The following MYADM variants were observed in gnomAD, a reference collection of about 807,000 sequenced individuals.
MYADM encodes the protein myeloid-associated differentiation marker.
For synonymous variants in MYADM, 224 were observed against 210.2 expected (o/e 1.07, Z -0.57); for missense variants, 416 against 443.4 (o/e 0.94, Z 0.56).
Position 53,874,582 on chromosome 19 carries a change from C to G in MYADM, c.*84C>G, listed in dbSNP as rs1430567702. ...TTCTTTATGGAGTACTTCTTTCCTCCGCCTTTCCTCTGTTTTCCTCTTCCT... is the reference window on the plus strand; with the variant it reads ...TTCTTTATGGAGTACTTCTTTCCTCGGCCTTTCCTCTGTTTTCCTCTTCCT... On this transcript the variant is annotated 3_prime_UTR_variant, in exon 3 of 3. Transcript: ENST00000391770. The G allele has an allele frequency of 6.9e-7, 1 of 1,449,660 alleles. No individual in the cohort carries two copies. The highest frequency in any genetic ancestry group is 9.2e-7 in the Non-Finnish European group (1 of 1,087,398). The allele number at this position is 1,449,660 out of a possible 1,614,324, so 89.8% of individuals were successfully genotyped here.
Position 53,873,683 on chromosome 19 carries a change from T to C in MYADM, c.154T>C (p.Ser52Pro). 6.2e-7 allele frequency: 1 copy of C among 1,614,128 alleles called. No homozygotes were observed. Among genetic ancestry groups the C allele is most frequent in the Non-Finnish European group, 8.5e-7 (1 of 1,180,022 alleles). Residue 52 changes from serine to proline, a missense_variant, in exon 3 of 3, where the codon TCG (serine) becomes CCG (proline). By Grantham distance (74) the Ser-to-Pro change is moderately conservative (BLOSUM62 -1). Transcript: ENST00000391770. The surrounding 1 kb of genome is among the most constrained non-coding windows in gnomAD (Gnocchi z 4.3). ...GCTGGTGTCTACCTGCGTGGCCTTC[T>C]CGCTGGTGGCTAGCGTGGGCGCCTG... ...LQLVSTCVAFSLVASVGAWTG... is the reference protein window; with the variant it reads ...LQLVSTCVAFPLVASVGAWTG...
At chr19:53,867,147 G>C (rs911502905), upstream of MYADM, among the ~76,000 whole-genome samples, 2 of 152,160 alleles carry the variant, frequency 1.3e-5, no homozygotes, top group African/African-American at 2.4e-5. Context: ...TGCGGCGCCC[G>C]GTGCCAGTGG....
At position 53,876,076 on chromosome 19, in the gene MYADM, C is replaced by T. The variant is rs563202113; in HGVS notation, c.*1578C>T. On this transcript the variant is annotated 3_prime_UTR_variant, in exon 3 of 3. Coordinates refer to ENST00000391770, the MANE Select transcript of MYADM (RefSeq NM_138373.5). ...ATGAGGACAAAAATTACTGAGTGGC[C>T]CTTAAAGAGGGAAGTTTGTTTTCAG... 1.8e-5 allele frequency: 3 copies of T among 166,836 alleles called. No individual in the cohort carries two copies. In the South Asian group the frequency reaches 6.2e-4, roughly 35 times the overall value. The allele number at this position is 166,836 out of a possible 1,614,324, so 10.3% of individuals were successfully genotyped here.
intron 2 of MYADM, among the ~76,000 whole-genome samples, chr19:53,871,549 C>T (rs2068388776): frequency 6.6e-6 from 1 of 152,052 alleles, no homozygotes; most frequent in Non-Finnish European, 1.5e-5. Flanking sequence ...AGTTTAGGCT[C>T]CTTGTCAGAA....
chr19:53,866,598 T>A (rs868245693), upstream of MYADM, among the ~76,000 whole-genome samples: 78 of 152,292 alleles, frequency 5.1e-4, no homozygotes, highest in Non-Finnish European at 1.0e-3. This position sits in a 1 kb window ranked among gnomAD's most constrained non-coding sequence, Gnocchi z 4.3. Context: ...GCCCTGGGGC[T>A]TCGGGCCCAC....
In MYADM at chr19:53,874,741, T is replaced by TCACCC. The variant is rs934851178; in HGVS notation, c.*245_*249dup. 17 of 423,620 alleles carry TCACCC rather than the reference T, an allele frequency of 4.0e-5. No homozygotes were observed. Among genetic ancestry groups the TCACCC allele is most frequent in the Middle Eastern group, 6.4e-4 (1 of 1,572 alleles). The allele number at this position is 423,620 out of a possible 1,614,324, so 26.2% of individuals were successfully genotyped here. ...TTGTTTTGTTGCCCACATCCTGTTT[T>TCACCC]CACCCCTGAGCTGTTTCTCTTTTTC... On this transcript the variant is annotated 3_prime_UTR_variant, in exon 3 of 3. Coordinates refer to ENST00000391770, the MANE Select transcript of MYADM (RefSeq NM_138373.5).
intron 2 of MYADM, among the ~76,000 whole-genome samples, chr19:53,871,128 G>A (rs1050507370): frequency 3.3e-5 from 5 of 152,220 alleles, no homozygotes; most frequent in Non-Finnish European, 7.3e-5. Flanking sequence ...CTACTCAGGA[G>A]GCTGAGGCAG....
rs562245107 is a variant in MYADM, at chr19:53,874,220, G to A, written c.691G>A (p.Val231Met). Reference protein sequence around the residue: ...ILLNLGECTNVLPIPFPSFLS... With the variant: ...ILLNLGECTNMLPIPFPSFLS... ...GCTGAACCTGGGGGAGTGCACCAAC[G>A]TGCTACCCATCCCCTTCCCCAGCTT... The change falls in exon 3 of 3, where the codon GTG (valine) becomes ATG (methionine). Residue 231 changes from valine (V) to methionine (M), a missense_variant. Transcript: ENST00000391770. The A allele has an allele frequency of 3.1e-6, 5 of 1,612,954 alleles. No individual in the cohort carries two copies. Among genetic ancestry groups the A allele is most frequent in the Admixed American group, 1.7e-5 (1 of 59,942 alleles).
In MYADM at chr19:53,874,436, A is replaced by C. The variant is rs1007869223; in HGVS notation, c.907A>C (p.Asn303His). Reference sequence around the variant, plus strand: ...GGCTGTGGCCATCCTGACGGCCATCAACCTACTGGCGTATGTGGCTGACCT... The same window carrying C: ...GGCTGTGGCCATCCTGACGGCCATCCACCTACTGGCGTATGTGGCTGACCT... ...RLAVAILTAI[N>H]LLAYVADLVH... Residue 303 changes from asparagine to histidine, a missense_variant, in exon 3 of 3, where the codon AAC becomes CAC. By Grantham distance (68) the Asn-to-His change is moderately conservative. Transcript: ENST00000391770. 6.2e-7 allele frequency: 1 copy of C among 1,613,918 alleles called. No individual in the cohort carries two copies. The highest frequency in any genetic ancestry group is 1.3e-5 in the African/African-American group (1 of 74,914).
rs1181554282 is a variant in MYADM, at chr19:53,873,369, C to T, written c.-2-159C>T. Among the ~76,000 whole-genome samples, 1 of 141,220 alleles carries T rather than the reference C, an allele frequency of 7.1e-6. No homozygotes were observed. The highest frequency in any genetic ancestry group is 3.0e-5 in the African/African-American group (1 of 33,334). The allele number at this position is 141,220 out of a possible 152,430, so 92.6% of individuals were successfully genotyped here. Reference sequence around the variant, plus strand: ...CCTGGGCCACAGAGCAAGACTCTGTCTCAAAAAAAAAAAAAGAAAAGAAAA... The same window carrying T: ...CCTGGGCCACAGAGCAAGACTCTGTTTCAAAAAAAAAAAAAGAAAAGAAAA... On this transcript the variant is annotated intron_variant, in intron 2 of 2. Transcript: ENST00000391770. The surrounding 1 kb of genome is among the most constrained non-coding windows in gnomAD (Gnocchi z 4.3).
Position 53,876,319 on chromosome 19 carries a change from C to T in MYADM, c.*1821C>T, listed in dbSNP as rs8604. ...ATATATTTTATTTTTTTTTAAATCC[C>T]TGGAGCTTCTGGTTCCTATCAGTTC... On this transcript the variant is annotated 3_prime_UTR_variant, in exon 3 of 3. Coordinates refer to ENST00000391770, the MANE Select transcript of MYADM (RefSeq NM_138373.5). The T allele has an allele frequency of 0.8, 132,885 of 165,154 alleles. 57,961 individuals are homozygous for T. Among genetic ancestry groups the T allele is most frequent in the East Asian group, 1 (5,163 of 5,166 alleles). 10.2% of individuals were successfully genotyped at this position (165,154 alleles called of 1,614,324 possible).
At chr19:53,867,871 C>T (rs2068270457), upstream of MYADM, 1 of 152,406 alleles carries the variant, frequency 6.6e-6, no homozygotes, top group African/African-American at 2.4e-5. Flanking sequence ...CCTCCAACCC[C>T]ACCCAGCCCT....
At position 53,874,049 on chromosome 19, in the gene MYADM, G is replaced by T. The variant is rs1472582740; in HGVS notation, c.520G>T (p.Gly174Trp). ...EITGYMATVP[G>W]LLKVLETFVA... ...CACTGGCTATATGGCCACCGTACCC[G>T]GGCTGCTGAAGGTGCTGGAGACCTT... is the stretch of plus-strand genomic sequence containing the variant. Residue 174 changes from glycine to tryptophan, a missense_variant, in exon 3 of 3, where the codon GGG becomes TGG. Transcript: ENST00000391770. The T allele has an allele frequency of 6.2e-7, 1 of 1,609,844 alleles. No homozygotes were observed. Among genetic ancestry groups the T allele is most frequent in the Non-Finnish European group, 8.5e-7 (1 of 1,180,022 alleles).
At position 53,873,144 on chromosome 19, in the gene MYADM, A is replaced by T. The variant is rs990465934; in HGVS notation, c.-2-384A>T. Reference sequence around the variant, plus strand: ...CCCAGCACTTTGGGAGGCCAAGGCCAGCGGATCATGAGGTCAGGAGATCGA... The same window carrying T: ...CCCAGCACTTTGGGAGGCCAAGGCCTGCGGATCATGAGGTCAGGAGATCGA... On this transcript the variant is annotated intron_variant, in intron 2 of 2. Transcript: ENST00000391770. This position sits in a 1 kb window ranked among gnomAD's most constrained non-coding sequence, Gnocchi z 4.3. 6.6e-6 allele frequency among the ~76,000 whole-genome samples: 1 copy of T among 152,156 alleles called. No homozygotes were observed. The highest frequency in any genetic ancestry group is 2.4e-5 in the African/African-American group (1 of 41,428).
rs1244628566 is a variant in MYADM at position 53,873,781 on chromosome 19, C to T, written c.252C>T (p.Ile84=). 8.7e-6 allele frequency: 14 copies of T among 1,613,840 alleles called. No individual in the cohort carries two copies. The highest frequency in any genetic ancestry group is 2.2e-5 in the South Asian group (2 of 91,086). ...TCTCCGTGACCCTGATCATCCTCATCGTGGAGCTGTGCGGGCTCCAGGCCC... is the reference window on the plus strand; with the variant it reads ...TCTCCGTGACCCTGATCATCCTCATTGTGGAGCTGTGCGGGCTCCAGGCCC... ...FCFSVTLIIL[I]VELCGLQARF... The change falls in exon 3 of 3, where the codon ATC becomes ATT. Residue 84 remains isoleucine, a synonymous_variant. Transcript: ENST00000391770. The surrounding 1 kb of genome is among the most constrained non-coding windows in gnomAD (Gnocchi z 4.3).
chr19:53,870,630 G>A (rs1289871013), intron 2 of MYADM, among the ~76,000 whole-genome samples: 2 of 152,162 alleles, frequency 1.3e-5, no homozygotes, highest in Non-Finnish European at 2.9e-5. Context: ...CTGCCACGAA[G>A]AGGTTAAGGC....
At position 53,873,848 on chromosome 19, in the gene MYADM, T is replaced by G; in HGVS notation, c.319T>G (p.Cys107Gly). 1 of 1,613,662 alleles carries G rather than the reference T, an allele frequency of 6.2e-7. No individual in the cohort carries two copies. Among genetic ancestry groups the G allele is most frequent in the South Asian group, 1.1e-5 (1 of 91,088 alleles). ...GCGCAACTTCCCCATCACCTTCGCCTGCTATGCGGCCCTCTTCTGCCTCTC... is the reference window on the plus strand; with the variant it reads ...GCGCAACTTCCCCATCACCTTCGCCGGCTATGCGGCCCTCTTCTGCCTCTC... Reference protein sequence around the residue: ...SWRNFPITFACYAALFCLSAS... With the variant: ...SWRNFPITFAGYAALFCLSAS... Residue 107 changes from cysteine to glycine, a missense_variant, in exon 3 of 3, where the codon TGC becomes GGC. By Grantham distance (159) the Cys-to-Gly change is radical (BLOSUM62 -3). Transcript: ENST00000391770. The surrounding 1 kb of genome is among the most constrained non-coding windows in gnomAD (Gnocchi z 4.3).
At chr19:53,866,983 A>G (rs1244279107), upstream of MYADM, among the ~76,000 whole-genome samples, 2 of 152,128 alleles carry the variant, frequency 1.3e-5, no homozygotes, top group African/African-American at 4.8e-5. The surrounding 1 kb of genome is among the most constrained non-coding windows in gnomAD (Gnocchi z 4.3). Flanking sequence ...CTTTTGAGCC[A>G]AGAATCTGGG....
intron 2 of MYADM, among the ~76,000 whole-genome samples, chr19:53,871,622 G>A (rs1353591727): frequency 6.6e-6 from 1 of 152,134 alleles, no homozygotes; most frequent in Non-Finnish European, 1.5e-5. Flanking sequence ...CCTTTATCGG[G>A]AGGTCGGAGC....
Sources: gnomAD v4.1 joint callset for allele counts (sites outside exome capture counted in the v4.1 genomes callset) on GRCh38, gnomAD v4.1.1 for gene constraint, Gnocchi (gnomAD v3.1) non-coding constraint, MANE v1.5 for transcripts, NCBI Gene and HGNC (gene_info 2026-07-23, HGNC 2026-07-21) for gene names.